SHPK: variants seen among roughly 807,000 people sequenced by gnomAD.
The protein encoded by SHPK is carbohydrate kinase-like protein.
A neutral mutation model predicts 46.3 loss-of-function variants in SHPK; 51 were observed. The ratio of observed to expected loss-of-function variants is 1.10; its 90% CI spans 0.88 to 1.39. The LOEUF (loss-of-function observed/expected upper bound fraction) is 1.39, where lower values mean the gene tolerates loss of function less well. SHPK is among the 40% of genes most tolerant of loss of function. The pLI is 0.00. For missense variants in SHPK, 668 were observed against 641.3 expected, an observed-to-expected ratio of 1.04 and a Z score of -0.45; for synonymous variants, 290 against 273.9, an observed-to-expected ratio of 1.06 and a Z score of -0.58.
At chr17:3,635,936 G>A (rs2075520615) in intron 1 of SHPK, 116 bp downstream of exon 1, 4 of 1,060,138 alleles carry the variant, frequency 3.8e-6, no homozygotes, top group Non-Finnish European at 5.2e-6. Flanking sequence ...GAGAAGCTGG[G>A]GACAAGCTGG....
intron 1 of SHPK, among the ~76,000 whole-genome samples, chr17:3,634,646 A>G (rs555725281): frequency 2.0e-5 from 3 of 151,688 alleles, no homozygotes; most frequent in African/African-American, 7.3e-5. Flanking sequence ...CTCTCCCCTA[A>G]TGCCAGCTCT....
At chr17:3,622,709 T>A in intron 4 of SHPK, 1 of 405,038 alleles carries the variant, frequency 2.5e-6, no homozygotes, top group Non-Finnish European at 3.3e-6. Flanking sequence ...CTTTTTTCTT[T>A]TTTTTTTTTT....
chr17:3,615,497 C>A lies in SHPK; in HGVS notation c.864G>T (p.Met288Ile). 6.2e-7 allele frequency: 1 copy of A among 1,614,162 alleles called. No individual in the cohort carries two copies. The highest frequency in any genetic ancestry group is 8.5e-7 in the Non-Finnish European group (1 of 1,180,028). ...ISTSVQLAASMPSGFQPAQTP... is the reference protein window; with the variant it reads ...ISTSVQLAASIPSGFQPAQTP... ...TCTGTGCAGGCTGGAATCCTGAAGG[C>A]ATGGAGGCTGCCAGCTGAACCGAGG... is the stretch of plus-strand genomic sequence containing the variant. Residue 288 changes from methionine (M) to isoleucine (I), a missense_variant, in exon 6 of 7, where the codon ATG (methionine) becomes ATT (isoleucine). Physicochemically the swap from Met to Ile is conservative, Grantham distance 10. Coordinates refer to ENST00000225519, the MANE Select transcript of SHPK (RefSeq NM_013276.4).
Position 3,635,420 on chromosome 17 carries a change from A to G in SHPK, c.168+632T>C, listed in dbSNP as rs541777037. Among the ~76,000 whole-genome samples, 105 of 152,144 alleles carry G rather than the reference A, an allele frequency of 6.9e-4. 1 individual carries two copies. Among genetic ancestry groups the G allele is most frequent in the African/African-American group, 2.3e-3 (97 of 41,560 alleles). ...CCCGCTAATTTTTTGTATTTTTAGTACAGACGGGGTTTCACCGTGTTAGCC... is the reference window on the plus strand; with the variant it reads ...CCCGCTAATTTTTTGTATTTTTAGTGCAGACGGGGTTTCACCGTGTTAGCC... On this transcript the variant is annotated intron_variant, in intron 1 of 6. Coordinates refer to ENST00000225519, the MANE Select transcript of SHPK (RefSeq NM_013276.4).
intron 1 of SHPK, among the ~76,000 whole-genome samples, chr17:3,633,970 C>G (rs1047845345): frequency 6.7e-6 from 1 of 149,866 alleles, no homozygotes; most frequent in Non-Finnish European, 1.5e-5. Flanking sequence ...GACCTTACCC[C>G]CAACCCTGTG....
At chr17:3,617,493 A>C (rs1026815929) in intron 5 of SHPK, among the ~76,000 whole-genome samples, 1 of 152,224 alleles carries the variant, frequency 6.6e-6, no homozygotes, top group African/African-American at 2.4e-5. Context: ...TGGGTTTAGT[A>C]AAAGACCTCC....
At chr17:3,619,116 C>A in intron 5 of SHPK, 1 of 257,924 alleles carries the variant, frequency 3.9e-6, no homozygotes, top group Non-Finnish European at 7.5e-6. Flanking sequence ...ACTAAATTTA[C>A]ATAACTTAAA....
At chr17:3,616,510 C>G (rs1375598720) in intron 5 of SHPK, among the ~76,000 whole-genome samples, 1 of 152,142 alleles carries the variant, frequency 6.6e-6, no homozygotes, top group African/African-American at 2.4e-5. Context: ...AGACCTTGAG[C>G]CAGGACATCC....
chr17:3,616,152 G>A (rs544403293), intron 5 of SHPK, among the ~76,000 whole-genome samples: 7 of 152,014 alleles, frequency 4.6e-5, no homozygotes, highest in East Asian at 3.9e-4. Context: ...GTGCCCGGCC[G>A]ATACTCCTCC....
At chr17:3,617,301 G>C (rs1237521307) in intron 5 of SHPK, among the ~76,000 whole-genome samples, 1 of 152,190 alleles carries the variant, frequency 6.6e-6, no homozygotes, top group African/African-American at 2.4e-5. Flanking sequence ...GCTTCCTGCT[G>C]CACATTGGGA....
chr17:3,625,268 A>G (rs2150872512), intron 2 of SHPK, among the ~76,000 whole-genome samples: 1 of 152,286 alleles, frequency 6.6e-6, no homozygotes, highest in East Asian at 1.9e-4. Context: ...TCCCATTAAG[A>G]GGTGGCATCT....
Position 3,636,075 on chromosome 17 carries a change from C to A in SHPK, c.145G>T (p.Glu49Ter). The part of the protein sequence containing the change: ...ARAARAEAAV[E>*]SAVAGPQGRE... The stretch of plus-strand genomic sequence containing the variant: ...ACCTGGGGCCCGGCCACCGCGCTCT[C>A]GACCGCCGCCTCTGCCCGCGCAGCA... The change falls in exon 1 of 7, where the codon GAG (glutamate) becomes TAG (stop). Residue 49 changes from glutamate (E) to a stop codon, truncating the protein, a stop_gained. Coordinates refer to ENST00000225519, the MANE Select transcript of SHPK (RefSeq NM_013276.4). LOFTEE classifies it high-confidence loss of function. 4 of 1,585,058 alleles carry A rather than the reference C, an allele frequency of 2.5e-6. No homozygotes were observed. The highest frequency in any genetic ancestry group is 3.4e-6 in the Non-Finnish European group (4 of 1,167,506).
chr17:3,624,288 C>T lies in SHPK; in HGVS notation c.311-57G>A, dbSNP rs922473449. ...AAAGAGCAAATGACTAGGCATGGCG[C>T]GGCCTTGATACTACTCTGCTGGTGA... On this transcript the variant is annotated intron_variant, in intron 2 of 6. Transcript: ENST00000225519. 149 of 1,511,454 alleles carry T rather than the reference C, an allele frequency of 9.9e-5. No individual in the cohort carries two copies. In the Admixed American group the frequency reaches 1.2e-3, roughly 12 times the overall value. The allele number at this position is 1,511,454 out of a possible 1,614,324, so 93.6% of individuals were successfully genotyped here. A position where few individuals can be genotyped will look rare whatever the true frequency, so the allele number is the denominator to read the frequency against.
intron 2 of SHPK, among the ~76,000 whole-genome samples, chr17:3,628,928 C>T (rs2075454436): frequency 1.3e-5 from 2 of 152,144 alleles, no homozygotes; most frequent in Admixed American, 6.6e-5. Context: ...TTGGGATTTA[C>T]AGGTGTGAGC....
chr17:3,619,512 A>T (rs1412336630), intron 5 of SHPK: 1 of 652,068 alleles, frequency 1.5e-6, no homozygotes, highest in African/African-American at 1.8e-5. Context: ...AGGCAGGCAG[A>T]TCACAAGGTG....
intron 2 of SHPK, among the ~76,000 whole-genome samples, chr17:3,629,686 C>T (rs1461654821): frequency 6.6e-6 from 1 of 150,886 alleles, no homozygotes; most frequent in Non-Finnish European, 1.5e-5. Flanking sequence ...TGAGTTTGCG[C>T]CACTGCACTC....
At chr17:3,624,999 C>G (rs2075424992) in intron 2 of SHPK, among the ~76,000 whole-genome samples, 1 of 111,228 alleles carries the variant, frequency 9.0e-6, no homozygotes, top group African/African-American at 3.8e-5. Context: ...AATCATCTGA[C>G]CGTCAGATTT....
chr17:3,612,752 T>A (rs541689961), intron 6 of SHPK, among the ~76,000 whole-genome samples: 5 of 78,326 alleles, frequency 6.4e-5, no homozygotes, highest in African/African-American at 3.0e-4. Flanking sequence ...CACTCAGGGA[T>A]CTTTTTTTTT....
intron 1 of SHPK, among the ~76,000 whole-genome samples, chr17:3,635,215 A>AAGGAAGGAAGGAAGGT (rs2075506056): frequency 7.9e-6 from 1 of 127,266 alleles, no homozygotes; most frequent in Admixed American, 8.3e-5. Context: ...GGAAGGAAGG[A>AAGGAAGGAAGGAAGGT]AGGAAGGAAG....
Sources: gnomAD v4.1 joint callset for allele counts (sites outside exome capture counted in the v4.1 genomes callset) on GRCh38, gnomAD v4.1.1 for gene constraint, MANE v1.5 for transcripts, NCBI Gene and HGNC (gene_info 2026-07-23, HGNC 2026-07-21) for gene names.